The following TEKT3 variants were observed in gnomAD, a reference collection of about 807,000 sequenced individuals.
TEKT3 encodes tektin 3.
TEKT3 carries 49 observed loss-of-function variants against 49.8 expected under a neutral mutation model. The ratio of observed to expected loss-of-function variants is 0.98; its 90% confidence interval spans 0.78 to 1.25. The LOEUF is 1.25. Ranked by LOEUF, TEKT3 falls within the 50% of genes most tolerant of loss-of-function variation. The probability of loss-of-function intolerance (pLI) is 0.00; values close to 1 mark genes in which losing one functional copy is unlikely to be tolerated. For missense variants in TEKT3, 595 were observed against 629.5 expected, an observed-to-expected ratio of 0.95 and a Z score of 0.59; for synonymous variants, 225 against 237.2, an observed-to-expected ratio of 0.95 and a Z score of 0.47.
intron 8 of TEKT3, chr17:15,306,883 G>C (rs1045246285): frequency 6.6e-6 from 1 of 152,238 alleles, no homozygotes; most frequent in Non-Finnish European, 1.5e-5. Context: ...GGTGCCTCCA[G>C]TTGGCTGTCT....
In TEKT3 at chr17:15,308,779, A is replaced by C. The variant is rs1910647559; in HGVS notation, c.1141T>G (p.Ser381Ala). 6.2e-7 allele frequency: 1 copy of C among 1,613,890 alleles called. No individual in the cohort carries two copies. The highest frequency in any genetic ancestry group is 8.5e-7 in the Non-Finnish European group (1 of 1,179,984). ...EIFQTEMTIE[S>A]IKKAIKDKTA... ...TTGTCCTTGATGGCCTTCTTGATGG[A>C]TTCTATGGTCATTTCAGTCTGGAAA... Residue 381 changes from serine to alanine, a missense_variant, in exon 8 of 9, where the codon TCC becomes GCC. Coordinates refer to ENST00000395930, the MANE Select transcript of TEKT3 (RefSeq NM_031898.3).
intron 2 of TEKT3, 101 bp from the exon 3 acceptor site, chr17:15,331,715 G>GC: frequency 1.2e-6 from 1 of 826,524 alleles, no homozygotes; most frequent in South Asian, 1.9e-5. Flanking sequence ...AGTTGCAGAG[G>GC]CCCCGAACAC....
chr17:15,312,237 G>A (rs372629593), intron 7 of TEKT3, 22 bp downstream of exon 7: 2 of 1,610,244 alleles, frequency 1.2e-6, no homozygotes, highest in East Asian at 2.2e-5. Context: ...CAGCTAAGGG[G>A]TACCACTGGC....
At chr17:15,325,718 AG>A (rs1223451796) in intron 4 of TEKT3, among the ~76,000 whole-genome samples, 1 of 152,234 alleles carries the variant, frequency 6.6e-6, no homozygotes, top group East Asian at 1.9e-4. Flanking sequence ...AAGGTGATGA[AG>A]TTAAGCTGTT....
In TEKT3 at chr17:15,303,968, G is replaced by T. The variant is rs371201203; in HGVS notation, c.1441C>A (p.Pro481Thr). Residue 481 changes from proline to threonine, a missense_variant, in exon 9 of 9, where the codon CCC (proline) becomes ACC (threonine). By Grantham distance (38) the Pro-to-Thr change is conservative. Coordinates refer to ENST00000395930, the MANE Select transcript of TEKT3 (RefSeq NM_031898.3). ...EKCMSMRKSY[P>T]NTLRLVGFC ...AAGCCGACCAGCCGGAGGGTGTTGG[G>T]GTAGCTCTTGCGCATGCTCATGCAT... 7 of 1,614,052 alleles carry T rather than the reference G, an allele frequency of 4.3e-6. No homozygotes were observed. In the East Asian group the frequency reaches 1.3e-4, roughly 31 times the overall value.
intron 2 of TEKT3, among the ~76,000 whole-genome samples, chr17:15,335,553 G>A (rs1434400854): frequency 6.6e-6 from 1 of 152,100 alleles, no homozygotes; most frequent in Admixed American, 6.5e-5. Flanking sequence ...CTTGAAAACA[G>A]GTCTCAAAGA....
chr17:15,331,505 ACTGATGG>A lies in TEKT3; in HGVS notation c.74_80del (p.Ala25ValfsTer16), dbSNP rs745725041. 6.2e-7 allele frequency: 1 copy of A among 1,614,148 alleles called. No homozygotes were observed. The highest frequency in any genetic ancestry group is 1.3e-5 in the African/African-American group (1 of 75,030). On this transcript the variant is annotated frameshift_variant, in exon 3 of 9. Transcript: ENST00000395930. LOFTEE classifies it high-confidence loss of function. ...GGTCCCTGTAGCTTGAGGCCATGGT[ACTGATGG>A]CTGGTAGAAAGTTGGTTGGTGTTGG...
upstream of TEKT3, among the ~76,000 whole-genome samples, chr17:15,342,307 T>TAAC (rs1158809305): frequency 1.3e-5 from 2 of 152,204 alleles, no homozygotes; most frequent in African/African-American, 2.4e-5. Flanking sequence ...GTGGCAGAGC[T>TAAC]AACACTAAAA....
At chr17:15,338,273 C>A (rs1912070056) in intron 2 of TEKT3, among the ~76,000 whole-genome samples, 1 of 152,044 alleles carries the variant, frequency 6.6e-6, no homozygotes, top group Admixed American at 6.5e-5. Flanking sequence ...ATAACCAAAA[C>A]TGATTAAAGA....
At chr17:15,308,515 C>G in intron 8 of TEKT3, 149 bp downstream of exon 8, 1 of 1,091,856 alleles carries the variant, frequency 9.2e-7, no homozygotes, top group Middle Eastern at 3.1e-4. Flanking sequence ...TGAAACTCTT[C>G]TGCATTCAAC....
At chr17:15,338,210 G>A (rs1313996800) in intron 2 of TEKT3, among the ~76,000 whole-genome samples, 2 of 152,018 alleles carry the variant, frequency 1.3e-5, no homozygotes, top group Non-Finnish European at 2.9e-5. Flanking sequence ...ACAACTTTAT[G>A]GCAAGAAATT....
intron 2 of TEKT3, among the ~76,000 whole-genome samples, chr17:15,336,412 G>A (rs1357323018): frequency 4.6e-5 from 7 of 151,908 alleles, no homozygotes; most frequent in Non-Finnish European, 8.8e-5. Flanking sequence ...TCATAAAAAC[G>A]AAATCCAAAA....
intron 7 of TEKT3, chr17:15,311,514 C>T (rs1341745414): frequency 6.6e-6 from 1 of 152,144 alleles, no homozygotes; most frequent in Non-Finnish European, 1.5e-5. Flanking sequence ...TTGAATGTTT[C>T]CAATCCAAAG....
At chr17:15,323,065 T>C (rs1432012706) in intron 4 of TEKT3, among the ~76,000 whole-genome samples, 1 of 152,146 alleles carries the variant, frequency 6.6e-6, no homozygotes, top group Non-Finnish European at 1.5e-5. Context: ...GTATAGTTCT[T>C]ATTGCTGGGG....
chr17:15,323,859 AC>A lies in TEKT3; in HGVS notation c.663+4132del, dbSNP rs537190448. On this transcript the variant is annotated intron_variant, in intron 4 of 8. Coordinates refer to ENST00000395930, the MANE Select transcript of TEKT3 (RefSeq NM_031898.3). ...CACTGTCAGGTTTTTGAGATAAAGG[AC>A]CCCCCTGCTACTGACCTAGAAACTA... Among the ~76,000 whole-genome samples, 986 of 151,998 alleles carry A rather than the reference AC, an allele frequency of 6.5e-3. 9 individuals are homozygous for A. The highest frequency in any genetic ancestry group is 0.022 in the African/African-American group (911 of 41,444).
intron 5 of TEKT3, 62 bp from the exon 6 acceptor site, chr17:15,314,292 A>G (rs891018443): frequency 1.9e-6 from 3 of 1,589,742 alleles, no homozygotes; most frequent in Non-Finnish European, 1.7e-6. Context: ...GCAAGGACAC[A>G]TGAGTGCCCT....
At chr17:15,306,089 A>ATATATATATATATGTGTGTG (rs1291765039) in intron 8 of TEKT3, among the ~76,000 whole-genome samples, 32 of 144,310 alleles carry the variant, frequency 2.2e-4, no homozygotes, top group African/African-American at 7.4e-4. Context: ...ATTTATATAT[A>ATATATATATATATGTGTGTG]TGTGTGTGTG....
Position 15,338,650 on chromosome 17 carries a change from G to A in TEKT3, c.-30+1378C>T, listed in dbSNP as rs372587304. The A allele has an allele frequency of 1.6e-3, 245 of 148,968 alleles. 2 individuals carry two copies. The Middle Eastern group carries it at 0.017, about 10-fold the overall frequency. The allele number at this position is 148,968 out of a possible 1,614,324, so 9.2% of individuals were successfully genotyped here. ...CTCCAGCGTAGCTGGGACTACAGCC[G>A]CCTGCCACCACACCTGGCTAATTTT... On this transcript the variant is annotated intron_variant, in intron 2 of 8. Transcript: ENST00000395930.
intron 2 of TEKT3, 106 bp from the exon 3 acceptor site, chr17:15,331,720 G>T: frequency 1.3e-6 from 1 of 761,692 alleles, no homozygotes; most frequent in Non-Finnish European, 2.1e-6. Context: ...CAGAGGCCCC[G>T]AACACATTAG....
Sources: gnomAD v4.1 joint callset for allele counts (sites outside exome capture counted in the v4.1 genomes callset) on GRCh38, gnomAD v4.1.1 for gene constraint, MANE v1.5 for transcripts, NCBI Gene and HGNC (gene_info 2026-07-23, HGNC 2026-07-21) for gene names.